The following GRM7 variants were observed in gnomAD, a reference collection of about 807,000 sequenced individuals.
GRM7 encodes the protein metabotropic glutamate receptor 7.
A neutral mutation model predicts 84.5 loss-of-function variants in GRM7; 35 were observed. The ratio of observed to expected loss-of-function variants is 0.41; its 90% CI spans 0.32 to 0.55. The LOEUF (loss-of-function observed/expected upper bound fraction) is 0.55, where lower values mean the gene tolerates loss of function less well. GRM7 is among the 20% of genes least tolerant of loss of function. GRM7 has a pLI of 0.19. For synonymous variants in GRM7, 487 were observed against 455.1 expected (o/e 1.07, Z -0.89); for missense variants, 1,003 against 1,194.6 (o/e 0.84, Z 2.36).
chr3:7,662,562 A>ATGAT (rs1699514200), intron 8 of GRM7, among the ~76,000 whole-genome samples: 1 of 152,228 alleles, frequency 6.6e-6, no homozygotes, highest in Non-Finnish European at 1.5e-5. Context: ...CATATGTTAG[A>ATGAT]TGATAGAAAT....
chr3:7,012,555 C>T (rs1467330984), intron 1 of GRM7, among the ~76,000 whole-genome samples: 2 of 152,062 alleles, frequency 1.3e-5, no homozygotes. Flanking sequence ...CTTCCCCCAT[C>T]CTTCTCCCCT....
At chr3:7,433,897 T>A (rs528127200) in intron 5 of GRM7, among the ~76,000 whole-genome samples, 1 of 152,316 alleles carries the variant, frequency 6.6e-6, no homozygotes, top group South Asian at 2.1e-4. Flanking sequence ...TTTATTTCAA[T>A]TGCATCCAAT....
At chr3:7,164,873 A>T (rs773560176) in intron 2 of GRM7, among the ~76,000 whole-genome samples, 37 of 152,236 alleles carry the variant, frequency 2.4e-4, no homozygotes, top group Non-Finnish European at 4.7e-4. Context: ...GGTTAGGTCC[A>T]CCAGATCCCT....
chr3:7,367,590 A>G (rs536698807), intron 4 of GRM7, among the ~76,000 whole-genome samples: 2 of 152,046 alleles, frequency 1.3e-5, no homozygotes, highest in East Asian at 3.9e-4. Context: ...GTAGGAGAAT[A>G]AACATGGGAG....
rs56264998 is a variant in GRM7, at chr3:7,437,969, T to TA, written c.1175-14628dup. On this transcript the variant is annotated intron_variant, in intron 5 of 9. Transcript: ENST00000357716. The stretch of plus-strand genomic sequence containing the variant: ...AATTAGAATATGCTTGAAATTTGTT[T>TA]AAAAAAAAAAGGTCACAGAACATTA... Among the ~76,000 whole-genome samples the TA allele has an allele frequency of 6.3e-3, 926 of 148,048 alleles. 7 individuals are homozygous for TA. The highest frequency in any genetic ancestry group is 0.023 in the South Asian group (106 of 4,648).
intron 9 of GRM7, among the ~76,000 whole-genome samples, chr3:7,691,810 G>A (rs559570919): frequency 7.9e-5 from 12 of 152,140 alleles, no homozygotes; most frequent in Non-Finnish European, 1.2e-4. Context: ...ACAGGCATGT[G>A]CCACCATGCC....
intron 4 of GRM7, among the ~76,000 whole-genome samples, chr3:7,377,963 C>G (rs1694425044): frequency 6.6e-6 from 1 of 152,162 alleles, no homozygotes; most frequent in Non-Finnish European, 1.5e-5. Flanking sequence ...TCACATGGAA[C>G]TTCTGTGCCT....
intron 8 of GRM7, chr3:7,591,597 T>A (rs1160355003): frequency 2.8e-5 from 10 of 359,948 alleles, no homozygotes; most frequent in Non-Finnish European, 4.8e-5. Flanking sequence ...CACGAGAATG[T>A]AAGTAGCTAA....
At chr3:7,464,122 C>G (rs1285573281) in intron 7 of GRM7, among the ~76,000 whole-genome samples, 1 of 152,162 alleles carries the variant, frequency 6.6e-6, no homozygotes, top group East Asian at 1.9e-4. Flanking sequence ...TTCAGAAGAA[C>G]TAGAGGTGCG....
chr3:7,176,022 G>C (rs1443428867), intron 2 of GRM7, among the ~76,000 whole-genome samples: 2 of 151,966 alleles, frequency 1.3e-5, no homozygotes, highest in Admixed American at 1.3e-4. Context: ...ACATACAATA[G>C]TTTCATGTGA....
At chr3:6,982,033 A>T (rs764311997) in intron 1 of GRM7, among the ~76,000 whole-genome samples, 2 of 152,210 alleles carry the variant, frequency 1.3e-5, no homozygotes, top group Non-Finnish European at 2.9e-5. Flanking sequence ...TAGCAGAGAC[A>T]TGGAATCAAC....
Position 6,862,229 on chromosome 3 carries a change from A to G in GRM7, c.519+322A>G, listed in dbSNP as rs1467231013. Among the ~76,000 whole-genome samples, 2 of 152,112 alleles carry G rather than the reference A, an allele frequency of 1.3e-5. No individual in the cohort carries two copies. Among genetic ancestry groups the G allele is most frequent in the Non-Finnish European group, 2.9e-5 (2 of 68,024 alleles). ...TTAGGGTGAAATATGGTCCGAAAACAGGCTCGTAAAAGTGCCAGGCTCCTA... is the reference window on the plus strand; with the variant it reads ...TTAGGGTGAAATATGGTCCGAAAACGGGCTCGTAAAAGTGCCAGGCTCCTA... On this transcript the variant is annotated intron_variant, in intron 1 of 9. Transcript: ENST00000357716. The surrounding 1 kb of genome is among the most constrained non-coding windows in gnomAD (Gnocchi z 5.2).
rs74655529 is a variant in GRM7, at chr3:7,242,889, A to T, written c.737-55795A>T. On this transcript the variant is annotated intron_variant, in intron 2 of 9. Coordinates refer to ENST00000357716, the MANE Select transcript of GRM7 (RefSeq NM_000844.4). The stretch of plus-strand genomic sequence containing the variant: ...GAACAGTATGGTTTTGAACTTTGTT[A>T]TTGTAATTCTGCAGCCAAAATTGAC... 8.5e-3 allele frequency among the ~76,000 whole-genome samples: 1,300 copies of T among 152,208 alleles called. 14 individuals carry two copies. The highest frequency in any genetic ancestry group is 0.03 in the African/African-American group (1,245 of 41,538).
intron 5 of GRM7, among the ~76,000 whole-genome samples, chr3:7,417,941 A>G (rs899966037): frequency 9.9e-5 from 15 of 152,154 alleles, no homozygotes; most frequent in African/African-American, 3.4e-4. Flanking sequence ...GAGTATAGCA[A>G]TGAGTTCTAA....
intron 7 of GRM7, among the ~76,000 whole-genome samples, chr3:7,487,880 C>T (rs1699381595): frequency 6.6e-6 from 1 of 152,138 alleles, no homozygotes; most frequent in Non-Finnish European, 1.5e-5. Context: ...TAATGCTAGT[C>T]TGAGAAAACC....
intron 2 of GRM7, among the ~76,000 whole-genome samples, chr3:7,259,396 T>C (rs1190586823): frequency 1.3e-5 from 2 of 152,212 alleles, no homozygotes; most frequent in Non-Finnish European, 2.9e-5. Context: ...CTAAGCCTAG[T>C]ACACAATAGT....
intron 7 of GRM7, among the ~76,000 whole-genome samples, chr3:7,538,531 AC>A (rs1219255077): frequency 2.0e-5 from 3 of 152,214 alleles, no homozygotes; most frequent in Admixed American, 2.0e-4. Flanking sequence ...CTCTCTTTTC[AC>A]AAGGATGAAA....
At position 7,601,873 on chromosome 3, in the gene GRM7, C is replaced by A. The variant is rs73809457; in HGVS notation, c.2451+22516C>A. 2.2e-3 allele frequency among the ~76,000 whole-genome samples: 330 copies of A among 152,054 alleles called. 1 individual carries two copies. Among genetic ancestry groups the A allele is most frequent in the African/African-American group, 7.5e-3 (313 of 41,498 alleles). The stretch of plus-strand genomic sequence containing the variant: ...AATTGGAAGAAGTGTCATTCCTTGA[C>A]CAATAGTAGTTGCCAGGGTAATGCC... On this transcript the variant is annotated intron_variant, in intron 8 of 9. Transcript: ENST00000357716.
intron 2 of GRM7, among the ~76,000 whole-genome samples, chr3:7,202,121 A>G (rs1280243226): frequency 6.6e-6 from 1 of 152,068 alleles, no homozygotes; most frequent in Non-Finnish European, 1.5e-5. Context: ...AAAAGTCTAT[A>G]GTCATCTTGT....
Sources: gnomAD v4.1 joint callset for allele counts (sites outside exome capture counted in the v4.1 genomes callset) on GRCh38, gnomAD v4.1.1 for gene constraint, Gnocchi (gnomAD v3.1) non-coding constraint, MANE v1.5 for transcripts, NCBI Gene and HGNC (gene_info 2026-07-23, HGNC 2026-07-21) for gene names.